NELL1: variants seen among roughly 807,000 people sequenced by gnomAD.
The protein encoded by NELL1 is neural EGFL like 1, also known as protein kinase C-binding protein NELL1.
In NELL1, 76 loss-of-function variants were observed where a neutral mutation model predicts 107.4. That is an observed-to-expected ratio of 0.71 (90% CI 0.59 to 0.86). The LOEUF (loss-of-function observed/expected upper bound fraction) is 0.86, where lower values mean the gene tolerates loss of function less well. Among genes scored for constraint, NELL1 ranks in the 40% least tolerant of loss-of-function variants. The pLI is 0.00. For synonymous variants in NELL1, 353 were observed against 341.2 expected, an observed-to-expected ratio of 1.03 and a Z score of -0.38; for missense variants, 1,024 against 1,005.5, an observed-to-expected ratio of 1.02 and a Z score of -0.25.
chr11:21,147,980 C>A (rs1856024897), intron 13 of NELL1, among the ~76,000 whole-genome samples: 1 of 151,558 alleles, frequency 6.6e-6, no homozygotes, highest in African/African-American at 2.4e-5. Context: ...AGGCAATAGT[C>A]TTCAAGTTAA....
intron 15 of NELL1, among the ~76,000 whole-genome samples, chr11:21,480,322 T>C (rs984378652): frequency 6.6e-6 from 1 of 152,140 alleles, no homozygotes; most frequent in Non-Finnish European, 1.5e-5. Context: ...ATCCCACAAA[T>C]TGTCTCTCTG....
intron 12 of NELL1, among the ~76,000 whole-genome samples, chr11:21,110,544 G>A (rs1376409423): frequency 6.6e-6 from 1 of 152,114 alleles, no homozygotes; most frequent in Non-Finnish European, 1.5e-5. Context: ...GCTTGGTGAT[G>A]GCCTAAGAAA....
chr11:21,337,173 A>C (rs1036226054), intron 14 of NELL1, among the ~76,000 whole-genome samples: 1 of 152,124 alleles, frequency 6.6e-6, no homozygotes, highest in African/African-American at 2.4e-5. Flanking sequence ...AAATGGAACC[A>C]AAATGGAGGG....
intron 3 of NELL1, among the ~76,000 whole-genome samples, chr11:20,821,501 A>G (rs1273733510): frequency 6.6e-6 from 1 of 152,214 alleles, no homozygotes; most frequent in Non-Finnish European, 1.5e-5. Context: ...GGGATTTCAC[A>G]TGCTGGCAGA....
intron 12 of NELL1, among the ~76,000 whole-genome samples, chr11:21,070,968 T>C (rs1456314125): frequency 6.6e-6 from 1 of 152,154 alleles, no homozygotes; most frequent in African/African-American, 2.4e-5. Context: ...CAAACACATC[T>C]CCCATTGTAA....
At chr11:21,193,843 T>C (rs977290788) in intron 13 of NELL1, among the ~76,000 whole-genome samples, 1 of 151,828 alleles carries the variant, frequency 6.6e-6, no homozygotes, top group Non-Finnish European at 1.5e-5. Flanking sequence ...ATTCCTAGGG[T>C]TTGTCTCACT....
chr11:20,909,597 A>G (rs1039208672), intron 5 of NELL1, among the ~76,000 whole-genome samples: 1 of 90,222 alleles, frequency 1.1e-5, no homozygotes, highest in Non-Finnish European at 3.7e-5. Flanking sequence ...TTTGAAGCCA[A>G]TGAAGTTACT....
At chr11:21,567,690 T>C (rs148833899) in intron 17 of NELL1, among the ~76,000 whole-genome samples, 4 of 151,988 alleles carry the variant, frequency 2.6e-5, no homozygotes, top group Admixed American at 2.0e-4. Context: ...GCAAGTCCTG[T>C]CTGATTATTC....
At chr11:20,994,448 A>G (rs1365078770) in intron 12 of NELL1, among the ~76,000 whole-genome samples, 3 of 152,234 alleles carry the variant, frequency 2.0e-5, no homozygotes, top group Admixed American at 6.5e-5. Flanking sequence ...ATTGTTTACT[A>G]TGATTCAAAG....
chr11:20,806,280 G>T (rs1383129644), intron 3 of NELL1, among the ~76,000 whole-genome samples: 1 of 129,534 alleles, frequency 7.7e-6, no homozygotes, highest in African/African-American at 3.2e-5. Flanking sequence ...GTGTGTGTGT[G>T]TGTGTTTGTG....
At chr11:20,955,936 A>G (rs1851160985) in intron 11 of NELL1, among the ~76,000 whole-genome samples, 1 of 152,174 alleles carries the variant, frequency 6.6e-6, no homozygotes, top group Non-Finnish European at 1.5e-5. Context: ...CATGATCAGT[A>G]TGGGCCAGGC....
intron 13 of NELL1, among the ~76,000 whole-genome samples, chr11:21,169,308 T>C (rs1856552447): frequency 1.3e-5 from 2 of 151,920 alleles, no homozygotes; most frequent in South Asian, 4.1e-4. Flanking sequence ...GTATTTCCCA[T>C]GTTTCAGTAT....
intron 3 of NELL1, among the ~76,000 whole-genome samples, chr11:20,826,024 C>A (rs1309165811): frequency 1.3e-5 from 2 of 151,308 alleles, no homozygotes; most frequent in Admixed American, 1.3e-4. Flanking sequence ...TTATAAGGGG[C>A]TTTCCCCACT....
chr11:21,409,052 A>G (rs887971608), intron 15 of NELL1, among the ~76,000 whole-genome samples: 4 of 152,026 alleles, frequency 2.6e-5, no homozygotes, highest in Non-Finnish European at 4.4e-5. Context: ...AACTAGAAAT[A>G]CCATTTGACC....
intron 15 of NELL1, among the ~76,000 whole-genome samples, chr11:21,459,648 G>C (rs1853848874): frequency 6.6e-6 from 1 of 152,038 alleles, no homozygotes; most frequent in African/African-American, 2.4e-5. Context: ...GTGAAAAAAT[G>C]AATGACTAAA....
intron 13 of NELL1, among the ~76,000 whole-genome samples, chr11:21,126,394 T>C (rs982295075): frequency 5.3e-5 from 8 of 152,062 alleles, no homozygotes; most frequent in Admixed American, 1.3e-4. Flanking sequence ...GCTAATGCGA[T>C]GTGTTCAGCA....
intron 15 of NELL1, among the ~76,000 whole-genome samples, chr11:21,374,639 T>C (rs1851429052): frequency 6.6e-6 from 1 of 152,070 alleles, no homozygotes; most frequent in Non-Finnish European, 1.5e-5. Flanking sequence ...TTTGTGGGCA[T>C]ATTTTAAAAC....
At chr11:21,425,740 C>A (rs551072022) in intron 15 of NELL1, among the ~76,000 whole-genome samples, 43 of 151,924 alleles carry the variant, frequency 2.8e-4, no homozygotes, top group African/African-American at 9.9e-4. Flanking sequence ...TAATTTGCTA[C>A]AAAACAATAG....
chr11:20,730,380 AG>A (rs1855611177), intron 2 of NELL1, among the ~76,000 whole-genome samples: 1 of 152,132 alleles, frequency 6.6e-6, no homozygotes, highest in Non-Finnish European at 1.5e-5. Flanking sequence ...TACTGGGGAA[AG>A]GGTCTATTTT....
Sources: gnomAD v4.1 joint callset for allele counts (sites outside exome capture counted in the v4.1 genomes callset) on GRCh38, gnomAD v4.1.1 for gene constraint, MANE v1.5 for transcripts, NCBI Gene and HGNC (gene_info 2026-07-23, HGNC 2026-07-21) for gene names.